The following PRKG1 variants were observed in gnomAD, a reference collection of about 807,000 sequenced individuals.
PRKG1 encodes protein kinase cGMP-dependent 1.
A neutral mutation model predicts 88.1 loss-of-function variants in PRKG1; 35 were observed. That is an observed-to-expected ratio of 0.40 (90% CI 0.30 to 0.53). PRKG1 has a LOEUF of 0.53. Among genes scored for constraint, PRKG1 ranks in the 20% least tolerant of loss-of-function variants. The pLI is 0.59. For missense variants in PRKG1, 540 were observed against 839.8 expected, an observed-to-expected ratio of 0.64 and a Z score of 4.41; for synonymous variants, 303 against 292.5, an observed-to-expected ratio of 1.04 and a Z score of -0.37.
chr10:51,447,959 C>G (rs1213077805), intron 2 of PRKG1, among the ~76,000 whole-genome samples: 2 of 152,006 alleles, frequency 1.3e-5, no homozygotes. Context: ...AACTCAGTAT[C>G]TAATATTTTT....
exon 1 of PRKG1, chr10:50,990,943 C>G (rs1254969893): frequency 3.1e-5 from 5 of 159,266 alleles, no homozygotes; most frequent in African/African-American, 1.3e-4. Flanking sequence ...GGAGTGGGAC[C>G]AGGCTCTCTG....
chr10:51,638,677 A>G (rs1441662715), intron 3 of PRKG1, among the ~76,000 whole-genome samples: 1 of 152,144 alleles, frequency 6.6e-6, no homozygotes, highest in Non-Finnish European at 1.5e-5. Context: ...TTACAATGGG[A>G]ATAATATGTG....
At chr10:52,129,641 C>T (rs1443634896) in intron 7 of PRKG1, among the ~76,000 whole-genome samples, 2 of 152,126 alleles carry the variant, frequency 1.3e-5, no homozygotes, top group African/African-American at 2.4e-5. Flanking sequence ...ATTGAATGAG[C>T]TTGGCGATGA....
intron 9 of PRKG1, among the ~76,000 whole-genome samples, chr10:52,219,654 A>G (rs958309673): frequency 2.0e-5 from 3 of 152,220 alleles, no homozygotes; most frequent in Non-Finnish European, 2.9e-5. Flanking sequence ...CAATGTGTTG[A>G]ATAACTAACA....
chr10:52,203,979 G>A (rs765535093), intron 9 of PRKG1, among the ~76,000 whole-genome samples: 22 of 152,092 alleles, frequency 1.4e-4, no homozygotes, highest in East Asian at 3.9e-4. Flanking sequence ...GCAACCTGTC[G>A]CTTGGTGCCT....
chr10:52,195,012 T>C (rs986668929), intron 9 of PRKG1, among the ~76,000 whole-genome samples: 2 of 152,180 alleles, frequency 1.3e-5, no homozygotes, highest in African/African-American at 4.8e-5. Context: ...AAAGTACCAG[T>C]TTAACACTTA....
chr10:52,137,788 T>C (rs1837468360), intron 8 of PRKG1, among the ~76,000 whole-genome samples: 1 of 152,170 alleles, frequency 6.6e-6, no homozygotes, highest in African/African-American at 2.4e-5. Context: ...CTACAGTTAG[T>C]TGAATCCACA....
intron 7 of PRKG1, among the ~76,000 whole-genome samples, chr10:52,086,239 A>T (rs905938749): frequency 3.9e-5 from 6 of 151,928 alleles, no homozygotes; most frequent in Non-Finnish European, 8.8e-5. Flanking sequence ...AACCAGTTGC[A>T]TTCTTTTCCT....
chr10:51,635,729 C>T (rs879839928), intron 3 of PRKG1, among the ~76,000 whole-genome samples: 1 of 152,148 alleles, frequency 6.6e-6, no homozygotes, highest in Non-Finnish European at 1.5e-5. Flanking sequence ...CCATGTGACT[C>T]CTGCTCATCA....
chr10:51,355,547 C>G (rs1196129755), intron 2 of PRKG1, among the ~76,000 whole-genome samples: 1 of 151,954 alleles, frequency 6.6e-6, no homozygotes, highest in Non-Finnish European at 1.5e-5. Flanking sequence ...TGCTTTTTCC[C>G]TTTTCTGAAA....
intron 4 of PRKG1, among the ~76,000 whole-genome samples, chr10:51,829,671 AAC>A (rs1401241042): frequency 2.0e-5 from 3 of 152,190 alleles, no homozygotes; most frequent in South Asian, 4.2e-4. Flanking sequence ...AATACACGTG[AAC>A]ACACACACAC....
Position 52,287,698 on chromosome 10 carries a change from TAA to T in PRKG1, c.1710-1006_1710-1005del, listed in dbSNP as rs34027188. Among the ~76,000 whole-genome samples, 509 of 138,030 alleles carry T rather than the reference TAA, an allele frequency of 3.7e-3. 2 individuals are homozygous for T. Among genetic ancestry groups the T allele is most frequent in the Admixed American group, 6.6e-3 (90 of 13,534 alleles). 90.6% of individuals were successfully genotyped at this position (138,030 alleles called of 152,430 possible). ...AACCACACTTCAAGGATGGATCAGT[TAA>T]AAAAAAAAAAAAAAAAAAAAATCAA... On this transcript the variant is annotated intron_variant, in intron 14 of 17. Transcript: ENST00000373980.
chr10:51,717,061 G>A (rs542550928), intron 3 of PRKG1, among the ~76,000 whole-genome samples: 30 of 152,294 alleles, frequency 2.0e-4, no homozygotes, highest in Non-Finnish European at 3.5e-4. Flanking sequence ...GGGAGTGGCA[G>A]GCAATGTGAA....
chr10:51,087,928 C>T (rs974255773), intron 1 of PRKG1, among the ~76,000 whole-genome samples: 1 of 152,106 alleles, frequency 6.6e-6, no homozygotes, highest in Non-Finnish European at 1.5e-5. Flanking sequence ...CTACATCTGG[C>T]TAATTTTTGT....
intron 2 of PRKG1, among the ~76,000 whole-genome samples, chr10:51,340,170 T>G (rs1486864948): frequency 6.6e-6 from 1 of 152,132 alleles, no homozygotes; most frequent in Non-Finnish European, 1.5e-5. Flanking sequence ...TAGCCTTCAT[T>G]TCATTATGTC....
intron 2 of PRKG1, among the ~76,000 whole-genome samples, chr10:51,409,969 A>G (rs1838032978): frequency 6.6e-6 from 1 of 151,722 alleles, no homozygotes; most frequent in Non-Finnish European, 1.5e-5. Context: ...GGCTTCAGAC[A>G]GCATCCCTAT....
At chr10:51,629,221 G>T (rs1839461999) in intron 3 of PRKG1, among the ~76,000 whole-genome samples, 1 of 151,980 alleles carries the variant, frequency 6.6e-6, no homozygotes, top group Non-Finnish European at 1.5e-5. Flanking sequence ...GAAAGTAATT[G>T]CTCTAAAGCA....
intron 3 of PRKG1, among the ~76,000 whole-genome samples, chr10:51,743,683 TA>T (rs1270105294): frequency 1.0e-4 from 14 of 136,904 alleles, no homozygotes; most frequent in African/African-American, 3.6e-4. Flanking sequence ...TATATATATA[TA>T]ATTTATTATA....
At chr10:51,048,531 G>T (rs1207854043) in intron 1 of PRKG1, among the ~76,000 whole-genome samples, 1 of 152,090 alleles carries the variant, frequency 6.6e-6, no homozygotes, top group African/African-American at 2.4e-5. Flanking sequence ...TCGTTTATAT[G>T]ATTTGAGCTT....
Sources: gnomAD v4.1 joint callset for allele counts (sites outside exome capture counted in the v4.1 genomes callset) on GRCh38, gnomAD v4.1.1 for gene constraint, MANE v1.5 for transcripts, NCBI Gene and HGNC (gene_info 2026-07-23, HGNC 2026-07-21) for gene names.